The following NCOA1 variants were observed in gnomAD, a reference collection of about 807,000 sequenced individuals.
NCOA1 encodes the protein Hin-2 protein.
In NCOA1, 35 loss-of-function variants were observed where a neutral mutation model predicts 150.9. The observed-to-expected ratio is 0.23, with a 90% CI of 0.18 to 0.31. The LOEUF is 0.31. Ranked by LOEUF, NCOA1 falls within the 10% of genes least tolerant of loss-of-function variation. The pLI, the probability that NCOA1 is intolerant of heterozygous loss-of-function variation, is 1.00. For missense variants in NCOA1, 1,491 were observed against 1,749.3 expected (o/e 0.85, Z 2.63); for synonymous variants, 590 against 630.0 (o/e 0.94, Z 0.95).
At chr2:24,607,516 C>G (rs575607340) in intron 3 of NCOA1, among the ~76,000 whole-genome samples, 8 of 149,548 alleles carry the variant, frequency 5.3e-5, no homozygotes, top group Non-Finnish European at 1.0e-4. Flanking sequence ...GGGGAAACCC[C>G]ATCTCTACTA....
At position 24,569,259 on chromosome 2, in the gene NCOA1, A is replaced by T. The variant is rs967990463; in HGVS notation, c.-260+4829A>T. On this transcript the variant is annotated intron_variant, in intron 2 of 22. Coordinates refer to ENST00000348332, the MANE Select transcript of NCOA1 (RefSeq NM_003743.5). ...TAGTATTTTGCTTTTTCACAGTGAT[A>T]TGTTAGCTGTATAGGAGGAAAGGGC... Among the ~76,000 whole-genome samples, 7 of 152,332 alleles carry T rather than the reference A, an allele frequency of 4.6e-5. No individual in the cohort carries two copies. The East Asian group carries it at 1.3e-3, about 29-fold the overall frequency.
chr2:24,662,243 T>G (rs926130284), intron 5 of NCOA1, among the ~76,000 whole-genome samples: 2 of 152,226 alleles, frequency 1.3e-5, no homozygotes, highest in Admixed American at 1.3e-4. Flanking sequence ...AGCAACTGTT[T>G]GGTGGAGTGA....
intron 3 of NCOA1, among the ~76,000 whole-genome samples, chr2:24,598,605 T>C (rs56355404): frequency 0.011 from 1,682 of 152,192 alleles, 22 homozygotes; most frequent in Non-Finnish European, 0.018. Flanking sequence ...TATGAGAGGC[T>C]TGGGGAAGGA....
chr2:24,769,771 C>G lies in NCOA1; in HGVS notation c.*1380C>G. ...AACCCAGTGAACTGACTTTCTAGTT[C>G]TAGAAGTTCCGCTGCAAGGCCAGGA... is the stretch of plus-strand genomic sequence containing the variant. On this transcript the variant is annotated 3_prime_UTR_variant, in exon 23 of 23. Coordinates refer to ENST00000348332, the MANE Select transcript of NCOA1 (RefSeq NM_003743.5). 1 of 221,984 alleles carries G rather than the reference C, an allele frequency of 4.5e-6. No homozygotes were observed. Among genetic ancestry groups the G allele is most frequent in the Non-Finnish European group, 9.0e-6 (1 of 110,764 alleles). 13.8% of individuals were successfully genotyped at this position (221,984 alleles called of 1,614,324 possible).
chr2:24,711,807 C>G (rs1009392551), intron 14 of NCOA1, among the ~76,000 whole-genome samples: 2 of 152,050 alleles, frequency 1.3e-5, no homozygotes, highest in Admixed American at 1.3e-4. Context: ...GATTTTTTTG[C>G]CCATCACATT....
chr2:24,708,189 C>G (rs1673556185), intron 13 of NCOA1, among the ~76,000 whole-genome samples: 1 of 152,156 alleles, frequency 6.6e-6, no homozygotes, highest in African/African-American at 2.4e-5. Flanking sequence ...CTCTCCCAGC[C>G]CTACCTATTG....
At chr2:24,633,576 G>C (rs1669801553) in intron 3 of NCOA1, among the ~76,000 whole-genome samples, 1 of 152,074 alleles carries the variant, frequency 6.6e-6, no homozygotes, top group African/African-American at 2.4e-5. Context: ...TAAAGAATAG[G>C]AAATATAAAA....
At chr2:24,581,391 G>A (rs973124150) in intron 2 of NCOA1, among the ~76,000 whole-genome samples, 16 of 152,240 alleles carry the variant, frequency 1.1e-4, no homozygotes, top group African/African-American at 3.9e-4. Context: ...ATTACAGCCG[G>A]AGGAGAGCAG....
At position 24,644,269 on chromosome 2, in the gene NCOA1, C is replaced by T. The variant is rs929713278; in HGVS notation, c.-18+147C>T. 3.3e-5 allele frequency: 5 copies of T among 152,140 alleles called. No homozygotes were observed. The East Asian group carries it at 7.7e-4, about 23-fold the overall frequency. 9.4% of individuals were successfully genotyped at this position (152,140 alleles called of 1,614,324 possible). A position where few individuals can be genotyped will look rare whatever the true frequency, so the allele number is the denominator to read the frequency against. On this transcript the variant is annotated intron_variant, in intron 4 of 22. Coordinates refer to ENST00000348332, the MANE Select transcript of NCOA1 (RefSeq NM_003743.5). The stretch of plus-strand genomic sequence containing the variant: ...TAGTGTAAAACAGGTGCTCACATTC[C>T]TAAGTGAAAATGATAGGAAAGTTCT...
intron 3 of NCOA1, among the ~76,000 whole-genome samples, chr2:24,588,687 C>T (rs1300417816): frequency 6.6e-6 from 1 of 152,128 alleles, no homozygotes; most frequent in Non-Finnish European, 1.5e-5. Flanking sequence ...CTGCCCACAC[C>T]CCCAGGCCCT....
chr2:24,768,333 G>T lies in NCOA1; in HGVS notation c.4268G>T (p.Gly1423Val). The T allele has an allele frequency of 1.2e-6, 2 of 1,613,530 alleles. No individual in the cohort carries two copies. Among genetic ancestry groups the T allele is most frequent in the Non-Finnish European group, 1.7e-6 (2 of 1,179,856 alleles). The change falls in exon 23 of 23, where the codon GGA becomes GTA. Residue 1423 changes from glycine (G) to valine (V), a missense_variant. Physicochemically the swap from Gly to Val is moderately radical, Grantham distance 109. Around this residue, in one of 8 missense-constraint regions of NCOA1, gnomAD observed 46 missense variants for 78.8 expected, o/e 0.58. Transcript: ENST00000348332. ...GPLGTQKPTSGPQTPQAQQKS... is the reference protein window; with the variant it reads ...GPLGTQKPTSVPQTPQAQQKS... ...CTGGGAACTCAAAAGCCCACGTCAG[G>T]ACCACAGACCCCCCAGGCCCAGCAG...
chr2:24,547,168 A>G (rs1665635761), intron 1 of NCOA1, among the ~76,000 whole-genome samples: 4 of 152,188 alleles, frequency 2.6e-5, no homozygotes, highest in Admixed American at 2.0e-4. Context: ...TATTTACATG[A>G]TTTTATGATT....
At chr2:24,520,014 T>C (rs569458603) in intron 1 of NCOA1, among the ~76,000 whole-genome samples, 42 of 152,228 alleles carry the variant, frequency 2.8e-4, no homozygotes, top group African/African-American at 1.0e-3. Flanking sequence ...CATCAAAAGA[T>C]AATAAACATA....
chr2:24,566,218 G>C (rs1666499549), intron 2 of NCOA1, among the ~76,000 whole-genome samples: 1 of 152,188 alleles, frequency 6.6e-6, no homozygotes, highest in South Asian at 2.1e-4. Context: ...GCAATAGGTA[G>C]CTCCTTTCTG....
intron 3 of NCOA1, among the ~76,000 whole-genome samples, chr2:24,590,837 T>G (rs1227044491): frequency 6.6e-6 from 1 of 152,224 alleles, no homozygotes; most frequent in Non-Finnish European, 1.5e-5. Context: ...CTTTCCTGAT[T>G]TATTTTCTCC....
At chr2:24,646,856 A>G (rs1670499939) in intron 4 of NCOA1, among the ~76,000 whole-genome samples, 1 of 151,660 alleles carries the variant, frequency 6.6e-6, no homozygotes, top group African/African-American at 2.4e-5. Context: ...ACACATACAC[A>G]CACACACAAA....
Position 24,491,520 on chromosome 2 carries a change from C to CCTG in NCOA1, c.-478_-477insCTG. Among the ~76,000 whole-genome samples the CCTG allele has an allele frequency of 6.8e-6, 1 of 146,874 alleles. No individual in the cohort carries two copies. The highest frequency in any genetic ancestry group is 2.5e-5 in the African/African-American group (1 of 40,748). ...GAGCCGCGGCGCCGGGCCCGAGGAG[C>CCTG]GGCGGAGGCCGGGGCGGCGCCGCCG... On this transcript the variant is annotated 5_prime_UTR_variant, in exon 1 of 23. Coordinates refer to ENST00000348332, the MANE Select transcript of NCOA1 (RefSeq NM_003743.5).
intron 3 of NCOA1, among the ~76,000 whole-genome samples, chr2:24,623,875 C>T (rs1278652538): frequency 1.3e-5 from 2 of 152,180 alleles, no homozygotes; most frequent in African/African-American, 4.8e-5. Flanking sequence ...TAGTTACCTC[C>T]TTACTAGCCC....
intron 1 of NCOA1, among the ~76,000 whole-genome samples, chr2:24,493,180 C>T (rs1057019266): frequency 1.3e-5 from 2 of 152,174 alleles, no homozygotes; most frequent in African/African-American, 4.8e-5. Flanking sequence ...ATTCCTTGAA[C>T]TATTTGCCAT....
Sources: allele counts gnomAD v4.1 joint callset (sites outside exome capture counted in the v4.1 genomes callset), GRCh38; gene constraint gnomAD v4.1.1; regional missense constraint gnomAD v4.1.1; transcripts MANE v1.5; gene names NCBI Gene and HGNC (gene_info 2026-07-23, HGNC 2026-07-21).